Variants in PAPOLB observed in about 807,000 individuals in gnomAD.
The protein encoded by PAPOLB is PAP-beta.
Under a neutral mutation model 23.2 loss-of-function variants are expected in PAPOLB, and 19 were observed. The ratio of observed to expected loss-of-function variants is 0.82; its 90% CI spans 0.57 to 1.20. PAPOLB has a LOEUF of 1.20. Ranked by LOEUF, PAPOLB falls within the 50% of genes most tolerant of loss-of-function variation. The pLI, the probability that PAPOLB is intolerant of heterozygous loss-of-function variation, is 0.00. For synonymous variants in PAPOLB, 360 were observed against 290.7 expected (o/e 1.24, Z -2.43); for missense variants, 822 against 776.8 (o/e 1.06, Z -0.69).
rs1425074562 is a variant in PAPOLB, at chr7:4,860,395, T to A, written c.1416A>T (p.Ala472=). Residue 472 remains alanine (A), a synonymous_variant, in exon 1 of 1, where the codon GCA becomes GCT. Coordinates refer to ENST00000404991, the MANE Select transcript of PAPOLB (RefSeq NM_020144.5). ...CCATCTCAAACATCTTACTATTCAC[T>A]GCTTGCCTATAAACAGTATCTGTGA... is the stretch of plus-strand genomic sequence containing the variant. The part of the protein sequence containing the change: ...QSFTDTVYRQ[A]VNSKMFEMGM... 4 of 1,613,978 alleles carry A rather than the reference T, an allele frequency of 2.5e-6. No homozygotes were observed. The highest frequency in any genetic ancestry group is 3.4e-6 in the Non-Finnish European group (4 of 1,179,820).
rs1783979795 is a variant in PAPOLB, at chr7:4,861,094, G to A, written c.717C>T (p.Ser239=). 1 of 1,614,100 alleles carries A rather than the reference G, an allele frequency of 6.2e-7. No homozygotes were observed. Among genetic ancestry groups the A allele is most frequent in the Non-Finnish European group, 8.5e-7 (1 of 1,179,994 alleles). Residue 239 remains serine, a synonymous_variant, in exon 1 of 1, where the codon TCC becomes TCT. Coordinates refer to ENST00000404991, the MANE Select transcript of PAPOLB (RefSeq NM_020144.5). ...KLWAKCHNIY[S]NILGFLGGVS... is the part of the protein sequence containing the mutation. The stretch of plus-strand genomic sequence containing the variant: ...CACCTCCGAGGAAACCTAATATATT[G>A]GAATAGATATTGTGGCACTTGGCCC...
At position 4,860,419 on chromosome 7, in the gene PAPOLB, G is replaced by C; in HGVS notation, c.1392C>G (p.Phe464Leu). The change falls in exon 1 of 1, where the codon TTC becomes TTG. Residue 464 changes from phenylalanine (F) to leucine (L), a missense_variant. Physicochemically the swap from Phe to Leu is conservative, Grantham distance 22. Around this residue, in one of 3 missense-constraint regions of PAPOLB, gnomAD observed 534 missense variants for 502.8 expected, o/e 1.06. Transcript: ENST00000404991. ...SIDLTYDIQS[F>L]TDTVYRQAVN... ...CTGCTTGCCTATAAACAGTATCTGT[G>C]AAAGACTGGATATCATAGGTGAGAT... 1 of 1,614,122 alleles carries C rather than the reference G, an allele frequency of 6.2e-7. No homozygotes were observed. The highest frequency in any genetic ancestry group is 8.5e-7 in the Non-Finnish European group (1 of 1,179,980).
chr7:4,861,844 C>A lies in PAPOLB; in HGVS notation c.-34G>T. ...GCCCGCCCCGCCAGGGCACGTCCCC[C>A]ACCACCGCGACCTTCGCGGCCGCCG... On this transcript the variant is annotated 5_prime_UTR_variant, in exon 1 of 1. Coordinates refer to ENST00000404991, the MANE Select transcript of PAPOLB (RefSeq NM_020144.5). The A allele has an allele frequency of 2.9e-6, 4 of 1,394,992 alleles. No homozygotes were observed. Among genetic ancestry groups the A allele is most frequent in the Non-Finnish European group, 3.7e-6 (4 of 1,070,674 alleles). 86.4% of individuals were successfully genotyped at this position (1,394,992 alleles called of 1,614,324 possible).
At position 4,861,860 on chromosome 7, in the gene PAPOLB, G is replaced by GTCCCCCACCACCGCGACCTTCT. The variant is rs1784016387; in HGVS notation, c.-51_-50insAGAAGGTCGCGGTGGTGGGGGA. 9.2e-6 allele frequency: 5 copies of GTCCCCCACCACCGCGACCTTCT among 544,540 alleles called. No homozygotes were observed. The highest frequency in any genetic ancestry group is 7.0e-6 in the Non-Finnish European group (3 of 428,308). The allele number at this position is 544,540 out of a possible 1,614,324, so 33.7% of individuals were successfully genotyped here. ...CACGTCCCCCACCACCGCGACCTTC[G>GTCCCCCACCACCGCGACCTTCT]CGGCCGCCGCCCGGGTCATGATCCG... On this transcript the variant is annotated 5_prime_UTR_variant, in exon 1 of 1. It removes the in-frame stop codon of an upstream open reading frame in the 5' UTR. Transcript: ENST00000404991.
rs1337156456 is a variant in PAPOLB, at chr7:4,859,982, A to T, written c.1829T>A (p.Met610Lys). ...QPAISPSPKA[M>K]VARVVSSTCL... ...TGTTGAAGAAACAACTCTGGCGACCATGGCCTTTGGTGATGGAGAAATGGC... is the reference window on the plus strand; with the variant it reads ...TGTTGAAGAAACAACTCTGGCGACCTTGGCCTTTGGTGATGGAGAAATGGC... The change falls in exon 1 of 1, where the codon ATG (methionine) becomes AAG (lysine). Residue 610 changes from methionine to lysine, a missense_variant. Met to Lys is a moderately conservative substitution (Grantham distance 95). Around this residue, in one of 3 missense-constraint regions of PAPOLB, gnomAD observed 534 missense variants for 502.8 expected, o/e 1.06. Coordinates refer to ENST00000404991, the MANE Select transcript of PAPOLB (RefSeq NM_020144.5). 2 of 1,613,922 alleles carry T rather than the reference A, an allele frequency of 1.2e-6. No homozygotes were observed. The highest frequency in any genetic ancestry group is 1.7e-6 in the Non-Finnish European group (2 of 1,179,894).
In PAPOLB at chr7:4,859,955, CA is replaced by C. The variant is rs1562453590; in HGVS notation, c.1855del (p.Cys619ValfsTer3). 6.2e-7 allele frequency: 1 copy of C among 1,613,978 alleles called. No homozygotes were observed. On this transcript the variant is annotated frameshift_variant, in exon 1 of 1. Coordinates refer to ENST00000404991, the MANE Select transcript of PAPOLB (RefSeq NM_020144.5). Reference protein sequence around the residue: ...AMVARVVSSTCLISHPDLQET... With the variant: ...AMVARVVSSTXLISHPDLQET... ...CTGAAGGTCTGGATGGCTTATGAGA[CA>C]TGTTGAAGAAACAACTCTGGCGACC...
Position 4,860,481 on chromosome 7 carries a change from G to A in PAPOLB, c.1330C>T (p.Leu444=). 3 of 1,614,044 alleles carry A rather than the reference G, an allele frequency of 1.9e-6. No homozygotes were observed. The highest frequency in any genetic ancestry group is 2.2e-5 in the South Asian group (2 of 91,084). The change falls in exon 1 of 1, where the codon CTA becomes TTA. Residue 444 remains leucine, a synonymous_variant. Coordinates refer to ENST00000404991, the MANE Select transcript of PAPOLB (RefSeq NM_020144.5). ...ATTTCAGAATTATCTGGCTTTTTTA[G>A]CCCTAACCCAATCACCCACATTGTA... is the stretch of plus-strand genomic sequence containing the variant. ...FRTMWVIGLG[L]KKPDNSEILS...
rs1354634070 is a variant in PAPOLB, at chr7:4,859,842, T to C, written c.*55A>G. ...TGTATTGAGTTTCTCCTCTTCCGTTTTGGTTTTCTTGGTCCTTTCTTCTTT... is the reference window on the plus strand; with the variant it reads ...TGTATTGAGTTTCTCCTCTTCCGTTCTGGTTTTCTTGGTCCTTTCTTCTTT... On this transcript the variant is annotated 3_prime_UTR_variant, in exon 1 of 1. Coordinates refer to ENST00000404991, the MANE Select transcript of PAPOLB (RefSeq NM_020144.5). The C allele has an allele frequency of 8.9e-7, 1 of 1,127,032 alleles. No homozygotes were observed. Among genetic ancestry groups the C allele is most frequent in the East Asian group, 2.4e-5 (1 of 42,398 alleles). The allele number at this position is 1,127,032 out of a possible 1,614,324, so 69.8% of individuals were successfully genotyped here. A position where few individuals can be genotyped will look rare whatever the true frequency, so the allele number is the denominator to read the frequency against.
At position 4,861,569 on chromosome 7, in the gene PAPOLB, C is replaced by T; in HGVS notation, c.242G>A (p.Ser81Asn). Residue 81 changes from serine (S) to asparagine (N), a missense_variant, in exon 1 of 1, where the codon AGT (serine) becomes AAT (asparagine). Coordinates refer to ENST00000404991, the MANE Select transcript of PAPOLB (RefSeq NM_020144.5). ...AGACTGGGGAAGACTCTTGCTTTCACTGATTTCGCGTATCCATTCCTTTAC... is the reference window on the plus strand; with the variant it reads ...AGACTGGGGAAGACTCTTGCTTTCATTGATTTCGCGTATCCATTCCTTTAC... ...NLVKEWIREI[S>N]ESKSLPQSVI... The T allele has an allele frequency of 1.2e-6, 2 of 1,613,946 alleles. No homozygotes were observed. The highest frequency in any genetic ancestry group is 1.7e-6 in the Non-Finnish European group (2 of 1,179,872).
At position 4,859,907 on chromosome 7, in the gene PAPOLB, A is replaced by T. The variant is rs780162758; in HGVS notation, c.1904T>A (p.Leu635Gln). 3.1e-6 allele frequency: 5 copies of T among 1,604,184 alleles called. 1 individual carries two copies. Among genetic ancestry groups the T allele is most frequent in the South Asian group, 1.1e-5 (1 of 90,736 alleles). ...DLQETQQQTYLIL is the reference protein window; with the variant it reads ...DLQETQQQTYQIL Reference sequence around the variant, plus strand: ...TCCTCTAGACTCCAACTATAGGATTAGATATGTTTGTTGCTGAGTTTCCTG... The same window carrying T: ...TCCTCTAGACTCCAACTATAGGATTTGATATGTTTGTTGCTGAGTTTCCTG... Residue 635 changes from leucine to glutamine, a missense_variant, in exon 1 of 1, where the codon CTA becomes CAA. Physicochemically the swap from Leu to Gln is moderately radical, Grantham distance 113. Around this residue, in one of 3 missense-constraint regions of PAPOLB, gnomAD observed 534 missense variants for 502.8 expected, o/e 1.06. Coordinates refer to ENST00000404991, the MANE Select transcript of PAPOLB (RefSeq NM_020144.5).
In PAPOLB at chr7:4,861,637, T is replaced by G. The variant is rs760261801; in HGVS notation, c.174A>C (p.Glu58Asp). 2.5e-5 allele frequency: 41 copies of G among 1,608,106 alleles called. No homozygotes were observed. The highest frequency in any genetic ancestry group is 3.2e-5 in the Non-Finnish European group (38 of 1,177,284). ...RPFGVFEEEE[E>D]LQRRILVLEK... ...CCAAAACTAAAATCCTGCGCTGCAGTTCCTCTTCCTCTTCGAAGACCCCGA... is the reference window on the plus strand; with the variant it reads ...CCAAAACTAAAATCCTGCGCTGCAGGTCCTCTTCCTCTTCGAAGACCCCGA... Residue 58 changes from glutamate (E) to aspartate (D), a missense_variant, in exon 1 of 1, where the codon GAA becomes GAC. By Grantham distance (45) the Glu-to-Asp change is conservative. Coordinates refer to ENST00000404991, the MANE Select transcript of PAPOLB (RefSeq NM_020144.5).
In PAPOLB at chr7:4,861,400, T is replaced by C. The variant is rs766433412; in HGVS notation, c.411A>G (p.Lys137=). The C allele has an allele frequency of 1.2e-6, 2 of 1,614,198 alleles. No homozygotes were observed. The highest frequency in any genetic ancestry group is 1.7e-6 in the Non-Finnish European group (2 of 1,180,030). Residue 137 remains lysine (K), a synonymous_variant, in exon 1 of 1, where the codon AAA becomes AAG. Transcript: ENST00000404991. ...RSDFFTSFYA[K]LKLQEEVKDL... is the part of the protein sequence containing the mutation. Reference sequence around the variant, plus strand: ...CTTTCACTTCCTCCTGTAGTTTCAGTTTAGCATAGAATGAGGTGAAAAAGT... The same window carrying C: ...CTTTCACTTCCTCCTGTAGTTTCAGCTTAGCATAGAATGAGGTGAAAAAGT...
rs768958589 is a variant in PAPOLB, at chr7:4,860,685, T to C, written c.1126A>G (p.Ile376Val). Residue 376 changes from isoleucine to valine, a missense_variant, in exon 1 of 1, where the codon ATT becomes GTT. Coordinates refer to ENST00000404991, the MANE Select transcript of PAPOLB (RefSeq NM_020144.5). ...GTTGATGCACTTGCCAGAAGTACAATATAATGCTTGTACTTTTGAAAGAAG... is the reference window on the plus strand; with the variant it reads ...GTTGATGCACTTGCCAGAAGTACAACATAATGCTTGTACTTTTGAAAGAAG... Reference protein sequence around the residue: ...PSFFQKYKHYIVLLASASTEK... With the variant: ...PSFFQKYKHYVVLLASASTEK... 24 of 1,613,978 alleles carry C rather than the reference T, an allele frequency of 1.5e-5. No individual in the cohort carries two copies. The highest frequency in any genetic ancestry group is 3.3e-4 in the Middle Eastern group (2 of 6,082).
Position 4,861,511 on chromosome 7 carries a change from C to G in PAPOLB, c.300G>C (p.Thr100=), listed in dbSNP as rs142317142. Residue 100 remains threonine (T), a synonymous_variant, in exon 1 of 1, where the codon ACG becomes ACC. Coordinates refer to ENST00000404991, the MANE Select transcript of PAPOLB (RefSeq NM_020144.5). ...VIENVGGKIF[T]FGSYRLGVHT... ...GTACTCCTAATCTGTAAGAGCCAAA[C>G]GTAAAAATCTTTCCTCCAACGTTTT... The G allele has an allele frequency of 1.8e-3, 2,911 of 1,614,026 alleles. 4 individuals are homozygous for G. Among genetic ancestry groups the G allele is most frequent in the Non-Finnish European group, 2.4e-3 (2,796 of 1,179,884 alleles).
rs1783899378 is a variant in PAPOLB at position 4,858,823 on chromosome 7, G to A, written c.*1074C>T. The A allele has an allele frequency of 6.6e-6, 1 of 152,234 alleles. No homozygotes were observed. The highest frequency in any genetic ancestry group is 2.4e-5 in the African/African-American group (1 of 41,456). The allele number at this position is 152,234 out of a possible 1,614,324, so 9.4% of individuals were successfully genotyped here. On this transcript the variant is annotated 3_prime_UTR_variant, in exon 1 of 1. Transcript: ENST00000404991. ...TGTCAGTTTCACATCATGGTTTAGA[G>A]AATATTATTCCTTTTTTCTTGTGAA...
In PAPOLB at chr7:4,861,068, A is replaced by G. The variant is rs1783978543; in HGVS notation, c.743T>C (p.Val248Ala). 1 of 1,614,242 alleles carries G rather than the reference A, an allele frequency of 6.2e-7. No homozygotes were observed. The highest frequency in any genetic ancestry group is 2.2e-5 in the East Asian group (1 of 44,884). The change falls in exon 1 of 1, where the codon GTT becomes GCT. Residue 248 changes from valine (V) to alanine (A), a missense_variant. Physicochemically the swap from Val to Ala is moderately conservative, Grantham distance 64. Coordinates refer to ENST00000404991, the MANE Select transcript of PAPOLB (RefSeq NM_020144.5). ...YSNILGFLGG[V>A]SWAMLVARTC... is the part of the protein sequence containing the mutation. ...TCTTGCTACTAGCATGGCCCAGGAA[A>G]CACCTCCGAGGAAACCTAATATATT...
chr7:4,861,877 C>A lies in PAPOLB; in HGVS notation c.-67G>T. On this transcript the variant is annotated 5_prime_UTR_variant, in exon 1 of 1. An upstream start codon of the reference 5' UTR is lost. Transcript: ENST00000404991. Reference sequence around the variant, plus strand: ...CGACCTTCGCGGCCGCCGCCCGGGTCATGATCCGCTGAGGCGGAAGGGCAG... The same window carrying A: ...CGACCTTCGCGGCCGCCGCCCGGGTAATGATCCGCTGAGGCGGAAGGGCAG... 1.8e-6 allele frequency: 1 copy of A among 551,576 alleles called. No individual in the cohort carries two copies. Among genetic ancestry groups the A allele is most frequent in the South Asian group, 4.7e-5 (1 of 21,156 alleles). 34.2% of individuals were successfully genotyped at this position (551,576 alleles called of 1,614,324 possible).
Position 4,861,878 on chromosome 7 carries a change from A to C in PAPOLB, c.-68T>G. On this transcript the variant is annotated 5_prime_UTR_variant, in exon 1 of 1. An upstream start codon of the reference 5' UTR is lost. Coordinates refer to ENST00000404991, the MANE Select transcript of PAPOLB (RefSeq NM_020144.5). ...GACCTTCGCGGCCGCCGCCCGGGTC[A>C]TGATCCGCTGAGGCGGAAGGGCAGG... The C allele has an allele frequency of 1.2e-5, 14 of 1,170,620 alleles. No homozygotes were observed. The highest frequency in any genetic ancestry group is 1.5e-5 in the Non-Finnish European group (13 of 874,212). 72.5% of individuals were successfully genotyped at this position (1,170,620 alleles called of 1,614,324 possible). A position where few individuals can be genotyped will look rare whatever the true frequency, so the allele number is the denominator to read the frequency against.
At position 4,858,492 on chromosome 7, in the gene PAPOLB, G is replaced by T. The variant is rs1783890529; in HGVS notation, c.*1405C>A. On this transcript the variant is annotated 3_prime_UTR_variant, in exon 1 of 1. Coordinates refer to ENST00000404991, the MANE Select transcript of PAPOLB (RefSeq NM_020144.5). ...AAAGCCAGTAAGATGTCAAGTGCTT[G>T]CTAGAAATTACTTTTTTATGTTTCT... The T allele has an allele frequency of 6.6e-6, 1 of 152,538 alleles. No homozygotes were observed. The highest frequency in any genetic ancestry group is 1.9e-4 in the East Asian group (1 of 5,192). 9.4% of individuals were successfully genotyped at this position (152,538 alleles called of 1,614,324 possible).
Sources: gnomAD v4.1 joint callset for allele counts on GRCh38, gnomAD v4.1.1 for gene constraint, gnomAD v4.1.1 regional missense constraint, MANE v1.5 for transcripts, NCBI Gene and HGNC (gene_info 2026-07-23, HGNC 2026-07-21) for gene names.